Variants in ALK observed in about 807,000 individuals in gnomAD.
ALK encodes the protein ALK tyrosine kinase receptor.
Under a neutral mutation model 163.1 loss-of-function variants are expected in ALK, and 74 were observed. The ratio of observed to expected loss-of-function variants is 0.45; its 90% CI spans 0.38 to 0.55. The LOEUF (loss-of-function observed/expected upper bound fraction) is 0.55. Among genes scored for constraint, ALK ranks in the 20% least tolerant of loss-of-function variants. The pLI, the probability that ALK is intolerant of heterozygous loss-of-function variation, is 0.00. For synonymous variants in ALK, 960 were observed against 843.2 expected (o/e 1.14, Z -2.40); for missense variants, 2,063 against 2,105.3 (o/e 0.98, Z 0.39).
intron 3 of ALK, among the ~76,000 whole-genome samples, chr2:29,659,654 C>T (rs1677291174): frequency 6.6e-6 from 1 of 152,126 alleles, no homozygotes; most frequent in Non-Finnish European, 1.5e-5. Flanking sequence ...CAGCCTACCA[C>T]ATAAACCAAC....
chr2:29,897,348 T>A (rs1330001903), intron 1 of ALK, among the ~76,000 whole-genome samples: 1 of 150,806 alleles, frequency 6.6e-6, no homozygotes, highest in Non-Finnish European at 1.5e-5. Context: ...AAAAAAAAAA[T>A]TAATTAATAA....
intron 4 of ALK, among the ~76,000 whole-genome samples, chr2:29,408,855 A>G (rs1669658475): frequency 6.6e-6 from 1 of 152,220 alleles, no homozygotes. Context: ...ACCAGGCTTG[A>G]GAATGCTCAG....
chr2:29,621,693 A>T (rs1676042928), intron 3 of ALK, among the ~76,000 whole-genome samples: 1 of 152,212 alleles, frequency 6.6e-6, no homozygotes, highest in Non-Finnish European at 1.5e-5. Context: ...TGGCCTTCTG[A>T]TCTGAAATTC....
At chr2:29,588,209 A>G (rs1406846586) in intron 3 of ALK, among the ~76,000 whole-genome samples, 1 of 152,086 alleles carries the variant, frequency 6.6e-6, no homozygotes, top group Non-Finnish European at 1.5e-5. Context: ...TTCATGGAAA[A>G]AGAGATGAGA....
chr2:29,475,469 C>T (rs1468974341), intron 4 of ALK, among the ~76,000 whole-genome samples: 2 of 152,208 alleles, frequency 1.3e-5, no homozygotes. Context: ...CCTCCCTCCA[C>T]TAAGGGAATC....
At chr2:29,834,204 G>A (rs1243998557) in intron 1 of ALK, among the ~76,000 whole-genome samples, 1 of 152,184 alleles carries the variant, frequency 6.6e-6, no homozygotes, top group Non-Finnish European at 1.5e-5. Flanking sequence ...AGCCAATGAT[G>A]TTTGGGGAAA....
Position 29,768,681 on chromosome 2 carries a change from AC to A in ALK, c.668-50985del, listed in dbSNP as rs548714913. On this transcript the variant is annotated intron_variant, in intron 1 of 28. Coordinates refer to ENST00000389048, the MANE Select transcript of ALK (RefSeq NM_004304.5). ...AAACTATAAGAGGAGGTATAGTTTA[AC>A]AAAATTATAATTTTATTAAATTATA... Among the ~76,000 whole-genome samples the A allele has an allele frequency of 1.0e-3, 153 of 151,354 alleles. 1 individual carries two copies. Among genetic ancestry groups the A allele is most frequent in the Non-Finnish European group, 1.8e-3 (124 of 67,898 alleles).
At chr2:29,745,666 T>C (rs1573602189) in intron 1 of ALK, among the ~76,000 whole-genome samples, 1 of 152,168 alleles carries the variant, frequency 6.6e-6, no homozygotes, top group East Asian at 1.9e-4. Flanking sequence ...TCTCAGATTA[T>C]CCTATCAAAG....
intron 1 of ALK, among the ~76,000 whole-genome samples, chr2:29,720,805 T>C (rs1010541594): frequency 2.0e-5 from 3 of 152,134 alleles, no homozygotes; most frequent in African/African-American, 7.2e-5. Context: ...AGAGAAGCCA[T>C]GCCATCAGAA....
intron 3 of ALK, among the ~76,000 whole-genome samples, chr2:29,690,053 C>T (rs897667932): frequency 6.6e-5 from 10 of 152,094 alleles, no homozygotes; most frequent in South Asian, 2.1e-4. Flanking sequence ...TTAAGCCATC[C>T]GGTTTGTAAG....
chr2:29,900,666 G>A (rs1007407758), intron 1 of ALK, among the ~76,000 whole-genome samples: 2 of 152,142 alleles, frequency 1.3e-5, no homozygotes, highest in Non-Finnish European at 2.9e-5. Flanking sequence ...CCATCTACAC[G>A]CCCTTGACTG....
At chr2:29,774,531 T>A (rs1681117792) in intron 1 of ALK, among the ~76,000 whole-genome samples, 1 of 152,244 alleles carries the variant, frequency 6.6e-6, no homozygotes, top group Admixed American at 6.5e-5. Context: ...GCAGAGTGGC[T>A]ATTTTCTCAA....
chr2:29,368,515 C>T, intron 5 of ALK, among the ~76,000 whole-genome samples: 1 of 152,166 alleles, frequency 6.6e-6, no homozygotes, highest in East Asian at 1.9e-4. Context: ...AAGTCTCCTG[C>T]CTTGGTTCTA....
intron 3 of ALK, among the ~76,000 whole-genome samples, chr2:29,600,206 C>G (rs981246298): frequency 2.4e-4 from 36 of 152,022 alleles, no homozygotes; most frequent in African/African-American, 8.7e-4. Context: ...TGGCTTCTGG[C>G]AGAAGATGAG....
chr2:29,664,738 T>A (rs2148264874), intron 3 of ALK, among the ~76,000 whole-genome samples: 1 of 152,248 alleles, frequency 6.6e-6, no homozygotes, highest in South Asian at 2.1e-4. Flanking sequence ...AGTGACAGCA[T>A]AATGGCTTCC....
chr2:29,515,792 T>C (rs1672645016), intron 4 of ALK, among the ~76,000 whole-genome samples: 1 of 152,234 alleles, frequency 6.6e-6, no homozygotes, highest in South Asian at 2.1e-4. Flanking sequence ...GATGCAGATG[T>C]AACTAAATTC....
intron 3 of ALK, 52 bp downstream of exon 3, chr2:29,694,798 T>A: frequency 6.2e-7 from 1 of 1,606,854 alleles, no homozygotes; most frequent in Non-Finnish European, 8.5e-7. Flanking sequence ...GAAATAGGTA[T>A]TCCAGCCTGG....
At chr2:29,320,645 A>G in intron 7 of ALK, 106 bp downstream of exon 7, 1 of 1,527,028 alleles carries the variant, frequency 6.5e-7, no homozygotes, top group Non-Finnish European at 9.1e-7. Flanking sequence ...TTGGTCAGAC[A>G]CCCGAGCTTG....
At chr2:29,678,411 T>C (rs1483759583) in intron 3 of ALK, among the ~76,000 whole-genome samples, 11 of 151,696 alleles carry the variant, frequency 7.3e-5, no homozygotes, top group African/African-American at 2.2e-4. Flanking sequence ...GACTTTACTC[T>C]TTTTCTAATA....
Sources: allele counts gnomAD v4.1 joint callset (sites outside exome capture counted in the v4.1 genomes callset), GRCh38; gene constraint gnomAD v4.1.1; transcripts MANE v1.5; gene names NCBI Gene and HGNC (gene_info 2026-07-23, HGNC 2026-07-21).